Variants in APP observed in about 807,000 individuals in gnomAD.
The protein encoded by APP is amyloid beta precursor protein.
APP carries 31 observed loss-of-function variants against 101.4 expected under a neutral mutation model. That is an observed-to-expected ratio of 0.31 (90% CI 0.23 to 0.41). The LOEUF (loss-of-function observed/expected upper bound fraction) is 0.41. Ranked by LOEUF, APP falls within the 10% of genes least tolerant of loss-of-function variation. The pLI is 1.00. For synonymous variants in APP, 366 were observed against 364.4 expected (o/e 1.00, Z -0.05); for missense variants, 839 against 1,003.7 (o/e 0.84, Z 2.22).
At chr21:26,041,835 G>A (rs537561984) in intron 5 of APP, among the ~76,000 whole-genome samples, 171 of 858 alleles carry the variant, frequency 0.2, no homozygotes, top group Non-Finnish European at 0.21. Context: ...TACAGGAATC[G>A]AGCATTTCTA....
chr21:25,960,482 T>C (rs577430004), intron 11 of APP, among the ~76,000 whole-genome samples: 1 of 152,288 alleles, frequency 6.6e-6, no homozygotes, highest in Non-Finnish European at 1.5e-5. Context: ...TGGTGGGCTT[T>C]TGTTACATTC....
intron 1 of APP, among the ~76,000 whole-genome samples, chr21:26,137,641 G>C (rs2062949973): frequency 6.6e-6 from 1 of 152,114 alleles, no homozygotes; most frequent in African/African-American, 2.4e-5. Flanking sequence ...CCAAAACTAA[G>C]AAAGGTTTTA....
chr21:26,091,519 T>C (rs1304215524), intron 2 of APP, among the ~76,000 whole-genome samples: 1 of 152,156 alleles, frequency 6.6e-6, no homozygotes, highest in Non-Finnish European at 1.5e-5. Context: ...ATTGGAATAC[T>C]GGAAGGATCA....
At chr21:25,974,765 C>T (rs1162599333) in intron 11 of APP, among the ~76,000 whole-genome samples, 1 of 152,094 alleles carries the variant, frequency 6.6e-6, no homozygotes, top group Non-Finnish European at 1.5e-5. Flanking sequence ...TTGAACTATG[C>T]CATCAATTGT....
intron 6 of APP, chr21:26,009,821 T>G (rs897016751): frequency 1.3e-5 from 2 of 156,466 alleles, no homozygotes; most frequent in African/African-American, 4.8e-5. Flanking sequence ...ACTCCTGACC[T>G]CAGGTGATGC....
At chr21:26,065,883 G>A (rs1400135232) in intron 3 of APP, among the ~76,000 whole-genome samples, 1 of 152,174 alleles carries the variant, frequency 6.6e-6, no homozygotes, top group East Asian at 1.9e-4. Flanking sequence ...AGTAATAGTT[G>A]TTAAAGCTTT....
At chr21:26,121,035 G>C (rs541513257) in intron 1 of APP, among the ~76,000 whole-genome samples, 9 of 152,274 alleles carry the variant, frequency 5.9e-5, no homozygotes, top group South Asian at 2.1e-4. Context: ...GCAGAGAAGA[G>C]AGTGGGCTGA....
At chr21:25,895,386 G>A (rs998602901) in intron 16 of APP, among the ~76,000 whole-genome samples, 2 of 151,990 alleles carry the variant, frequency 1.3e-5, no homozygotes, top group African/African-American at 2.4e-5. Flanking sequence ...GGATGCTCTC[G>A]ACCTCCTGAC....
At chr21:25,897,236 C>T (rs531218713) in intron 16 of APP, among the ~76,000 whole-genome samples, 3 of 152,020 alleles carry the variant, frequency 2.0e-5, no homozygotes, top group South Asian at 4.1e-4. Flanking sequence ...CGTCAGCCTC[C>T]CCAGCAGCTG....
chr21:25,965,920 G>A (rs2041779398), intron 11 of APP, among the ~76,000 whole-genome samples: 1 of 152,150 alleles, frequency 6.6e-6, no homozygotes, highest in South Asian at 2.1e-4. Context: ...AAACCATACG[G>A]TGCTATGGGT....
chr21:26,071,621 A>G (rs1044005346), intron 3 of APP, among the ~76,000 whole-genome samples: 5 of 152,214 alleles, frequency 3.3e-5, no homozygotes, highest in Non-Finnish European at 7.3e-5. Flanking sequence ...GATGACTAAA[A>G]TGTACATGAA....
In APP at chr21:26,160,403, A is replaced by G. The variant is rs542549485; in HGVS notation, c.57+10161T>C. ...TAAATTTTCTGGATTCTGTGGTATA[A>G]GAGGATTTAACACTTGACACAAAAC... is the stretch of plus-strand genomic sequence containing the variant. On this transcript the variant is annotated intron_variant, in intron 1 of 17. Transcript: ENST00000346798. Among the ~76,000 whole-genome samples, 5 of 152,304 alleles carry G rather than the reference A, an allele frequency of 3.3e-5. No individual in the cohort carries two copies. In the South Asian group the frequency reaches 1.0e-3, roughly 32 times the overall value.
At chr21:26,002,246 T>G (rs1041101001) in intron 6 of APP, among the ~76,000 whole-genome samples, 1 of 152,238 alleles carries the variant, frequency 6.6e-6, no homozygotes, top group Non-Finnish European at 1.5e-5. Context: ...CTTCTGGGCT[T>G]AGTGCTGACT....
intron 11 of APP, among the ~76,000 whole-genome samples, chr21:25,965,212 G>A (rs562718915): frequency 4.6e-5 from 7 of 152,202 alleles, no homozygotes; most frequent in Non-Finnish European, 8.8e-5. Flanking sequence ...AACAGAATTA[G>A]TAATACAACC....
chr21:26,128,070 G>T (rs1035895613), intron 1 of APP, among the ~76,000 whole-genome samples: 1 of 152,176 alleles, frequency 6.6e-6, no homozygotes, highest in African/African-American at 2.4e-5. Flanking sequence ...CTGGTTTAAA[G>T]AATGTCTTAT....
At chr21:26,033,618 G>A (rs756790739) in intron 5 of APP, among the ~76,000 whole-genome samples, 2 of 152,162 alleles carry the variant, frequency 1.3e-5, no homozygotes, top group African/African-American at 4.8e-5. Context: ...ACAGGCTGAG[G>A]AGTCTGGACC....
rs997437188 is a variant in APP at position 25,907,669 on chromosome 21, T to C, written c.1910-2592A>G. On this transcript the variant is annotated intron_variant, in intron 14 of 17. Transcript: ENST00000346798. ...GAGAGAAACAGAATGGTCAGACCTC[T>C]GGGATTTTTGAGTCTGTTACTTCTG... Among the ~76,000 whole-genome samples the C allele has an allele frequency of 9.8e-5, 15 of 152,332 alleles. No homozygotes were observed. In the South Asian group the frequency reaches 2.1e-3, roughly 21 times the overall value.
At chr21:26,111,087 T>TAAAAAAAAA (rs576900084) in intron 2 of APP, among the ~76,000 whole-genome samples, 2 of 88,474 alleles carry the variant, frequency 2.3e-5, no homozygotes, top group East Asian at 3.1e-4. Context: ...AAAGTTAAGT[T>TAAAAAAAAA]AAAAAAAAAA....
intron 1 of APP, among the ~76,000 whole-genome samples, chr21:26,160,692 A>G (rs949830998): frequency 6.6e-6 from 1 of 152,164 alleles, no homozygotes; most frequent in East Asian, 1.9e-4. Flanking sequence ...ATGACAGAGA[A>G]ATTTTCATTT....
Sources: allele counts gnomAD v4.1 joint callset (sites outside exome capture counted in the v4.1 genomes callset), GRCh38; gene constraint gnomAD v4.1.1; transcripts MANE v1.5; gene names NCBI Gene and HGNC (gene_info 2026-07-23, HGNC 2026-07-21).